The following PTPN14 variants were observed in gnomAD, a reference collection of about 807,000 sequenced individuals.
PTPN14 encodes the protein tyrosine-protein phosphatase non-receptor type 14.
Under a neutral mutation model 126.8 loss-of-function variants are expected in PTPN14, and 53 were observed. That is an observed-to-expected ratio of 0.42 (90% CI 0.34 to 0.53). The LOEUF is 0.53. PTPN14 is among the 20% of genes least tolerant of loss of function. The probability of loss-of-function intolerance (pLI) is 0.08; values close to 1 mark genes in which losing one functional copy is unlikely to be tolerated. For synonymous variants in PTPN14, 630 were observed against 599.3 expected (o/e 1.05, Z -0.75); for missense variants, 1,257 against 1,552.9 (o/e 0.81, Z 3.20).
At chr1:214,533,657 C>A (rs1303095395) in intron 1 of PTPN14, among the ~76,000 whole-genome samples, 2 of 151,804 alleles carry the variant, frequency 1.3e-5, no homozygotes, top group Non-Finnish European at 2.9e-5. Context: ...CGGTGAAACC[C>A]CATCTCTACT....
intron 7 of PTPN14, among the ~76,000 whole-genome samples, chr1:214,398,618 T>TTTTTC (rs1288604286): frequency 0.024 from 2,884 of 119,444 alleles, 118 homozygotes; most frequent in African/African-American, 0.098. Context: ...TGCTAATTTT[T>TTTTTC]TTTTTTTTTT....
chr1:214,391,494 G>A (rs1658750552), intron 10 of PTPN14, among the ~76,000 whole-genome samples: 1 of 151,936 alleles, frequency 6.6e-6, no homozygotes, highest in Non-Finnish European at 1.5e-5. Context: ...TATTTTTAGT[G>A]TGACCATATA....
In PTPN14 at chr1:214,354,111, C is replaced by T. The variant is rs1235248173; in HGVS notation, c.*3811G>A. 2.0e-5 allele frequency: 3 copies of T among 152,158 alleles called. No individual in the cohort carries two copies. Among genetic ancestry groups the T allele is most frequent in the African/African-American group, 7.2e-5 (3 of 41,432 alleles). The allele number at this position is 152,158 out of a possible 1,614,324, so 9.4% of individuals were successfully genotyped here. On this transcript the variant is annotated 3_prime_UTR_variant, in exon 19 of 19. Transcript: ENST00000366956. ...CATGGTCAAGTCCTACAAGGCCCAC[C>T]CTCAGCAGTCTACAAAGACCCTCTC...
chr1:214,364,809 TAAG>T lies in PTPN14; in HGVS notation c.3272-137_3272-135del. The T allele has an allele frequency of 2.4e-6, 1 of 408,238 alleles. No individual in the cohort carries two copies. Among genetic ancestry groups the T allele is most frequent in the South Asian group, 4.6e-5 (1 of 21,692 alleles). The allele number at this position is 408,238 out of a possible 1,614,324, so 25.3% of individuals were successfully genotyped here. ...TGTGTGTGTGTGTGTGTGTGTGTTT[TAAG>T]TGACAATAATTTATAGTTCTTACAA... On this transcript the variant is annotated intron_variant, in intron 17 of 18. Transcript: ENST00000366956. This position sits in a 1 kb window ranked among gnomAD's most constrained non-coding sequence, Gnocchi z 4.1.
intron 3 of PTPN14, among the ~76,000 whole-genome samples, chr1:214,448,714 C>T (rs1459703306): frequency 2.6e-5 from 4 of 152,192 alleles, no homozygotes; most frequent in African/African-American, 9.7e-5. Context: ...CAACATCCTA[C>T]CCAATATGGT....
At chr1:214,405,236 C>T (rs1659134170) in intron 5 of PTPN14, among the ~76,000 whole-genome samples, 1 of 152,186 alleles carries the variant, frequency 6.6e-6, no homozygotes, top group Non-Finnish European at 1.5e-5. Context: ...TGGACGTAAG[C>T]ATTTTCGCCT....
In PTPN14 at chr1:214,435,234, T is replaced by G. The variant is rs557860799; in HGVS notation, c.344+16571A>C. 1.7e-3 allele frequency among the ~76,000 whole-genome samples: 264 copies of G among 152,204 alleles called. 1 individual carries two copies. The Middle Eastern group carries it at 0.024, about 14-fold the overall frequency. On this transcript the variant is annotated intron_variant, in intron 3 of 18. Coordinates refer to ENST00000366956, the MANE Select transcript of PTPN14 (RefSeq NM_005401.5). The stretch of plus-strand genomic sequence containing the variant: ...AGTAAAATGGTTCAGTCCGGTAGTG[T>G]GTCTGCTGTGTGTGTGTGTGCGTGT...
rs147540280 is a variant in PTPN14, at chr1:214,533,383, C to G, written c.-155+17800G>C. The G allele has an allele frequency of 6.1e-4, 275 of 448,986 alleles. 1 individual carries two copies. The highest frequency in any genetic ancestry group is 5.0e-3 in the African/African-American group (251 of 49,924). The allele number at this position is 448,986 out of a possible 1,614,324, so 27.8% of individuals were successfully genotyped here. A position where few individuals can be genotyped will look rare whatever the true frequency, so the allele number is the denominator to read the frequency against. On this transcript the variant is annotated intron_variant, in intron 1 of 18. Transcript: ENST00000366956. ...TTGGTGATGGACAGCAGCAACTCCA[C>G]GCAAACCATTCAAAAGACCACCACC...
chr1:214,445,551 T>TTA (rs200150679), intron 3 of PTPN14, among the ~76,000 whole-genome samples: 1 of 145,616 alleles, frequency 6.9e-6, no homozygotes, highest in Admixed American at 6.8e-5. Context: ...ATGTTTTGGT[T>TTA]AAAAAAAAAA....
rs781341196 is a variant in PTPN14, at chr1:214,372,839, C to T, written c.2908G>A (p.Val970Met). ...TGCCATTCTGCCCCGCCAACCACCA[C>T]CTAAAAACCAAGAAAAGTATCGGTA... is the stretch of plus-strand genomic sequence containing the variant. ...TGYINASHIKVVVGGAEWHYI... is the reference protein window; with the variant it reads ...TGYINASHIKMVVGGAEWHYI... The change falls in exon 16 of 19, where the codon GTG becomes ATG. Residue 970 changes from valine to methionine, a missense_variant and splice_region_variant. Physicochemically the swap from Val to Met is conservative, Grantham distance 21 (BLOSUM62 1). Transcript: ENST00000366956. The T allele has an allele frequency of 1.2e-6, 2 of 1,613,916 alleles. No individual in the cohort carries two copies. Among genetic ancestry groups the T allele is most frequent in the Non-Finnish European group, 8.5e-7 (1 of 1,179,888 alleles).
intron 1 of PTPN14, among the ~76,000 whole-genome samples, chr1:214,478,455 T>C (rs772376601): frequency 1.3e-5 from 2 of 152,164 alleles, no homozygotes; most frequent in African/African-American, 4.8e-5. Context: ...CAGGGAGTAT[T>C]TCCATACTCA....
chr1:214,533,227 C>G, intron 1 of PTPN14: 1 of 664,646 alleles, frequency 1.5e-6, no homozygotes, highest in South Asian at 1.5e-5. Context: ...AGGGCTGGCC[C>G]AGACCCAGGA....
intron 18 of PTPN14, among the ~76,000 whole-genome samples, chr1:214,360,055 C>T (rs1657918868): frequency 6.6e-6 from 1 of 152,168 alleles, no homozygotes; most frequent in African/African-American, 2.4e-5. Flanking sequence ...CTGTGGAGGC[C>T]ATGGTGGCCT....
intron 1 of PTPN14, among the ~76,000 whole-genome samples, chr1:214,549,958 C>T (rs866379294): frequency 6.6e-6 from 1 of 152,222 alleles, no homozygotes; most frequent in Non-Finnish European, 1.5e-5. Flanking sequence ...CCCCAGATGG[C>T]TAGGGAAACT....
chr1:214,453,631 C>T (rs1300286685), intron 2 of PTPN14, among the ~76,000 whole-genome samples: 1 of 152,078 alleles, frequency 6.6e-6, no homozygotes, highest in Non-Finnish European at 1.5e-5. Context: ...CTGTTACCAC[C>T]ACCACCACCA....
chr1:214,418,902 G>A (rs1321305250), intron 3 of PTPN14, among the ~76,000 whole-genome samples: 1 of 152,170 alleles, frequency 6.6e-6, no homozygotes, highest in Non-Finnish European at 1.5e-5. Context: ...AAGGATGGAG[G>A]GATAGAAGTA....
intron 1 of PTPN14, chr1:214,530,800 A>G (rs1169777020): frequency 6.6e-6 from 1 of 152,216 alleles, no homozygotes; most frequent in East Asian, 1.9e-4. Flanking sequence ...AGAGTTCAGT[A>G]GTAACCTTCT....
chr1:214,548,687 T>C (rs1656032431), intron 1 of PTPN14, among the ~76,000 whole-genome samples: 1 of 152,214 alleles, frequency 6.6e-6, no homozygotes, highest in Non-Finnish European at 1.5e-5. Context: ...TGATGTTTGC[T>C]TCCCCGGAGC....
At chr1:214,504,161 T>C (rs186859738) in intron 1 of PTPN14, among the ~76,000 whole-genome samples, 15 of 152,284 alleles carry the variant, frequency 9.9e-5, no homozygotes, top group South Asian at 4.2e-4. Context: ...TTATAGAACA[T>C]TGAACAACTG....
Sources: gnomAD v4.1 joint callset for allele counts (sites outside exome capture counted in the v4.1 genomes callset) on GRCh38, gnomAD v4.1.1 for gene constraint, Gnocchi (gnomAD v3.1) non-coding constraint, MANE v1.5 for transcripts, NCBI Gene and HGNC (gene_info 2026-07-23, HGNC 2026-07-21) for gene names.